Variants in MS4A15 observed in about 807,000 individuals in gnomAD.
MS4A15 encodes the protein membrane-spanning 4-domains subfamily A member 15.
A neutral mutation model predicts 20.6 loss-of-function variants in MS4A15; 22 were observed. The observed-to-expected ratio is 1.07, with a 90% CI of 0.76 to 1.52. The LOEUF is 1.52. Among genes scored for constraint, MS4A15 ranks in the 40% most tolerant of loss-of-function variants. MS4A15 has a pLI of 0.00. For synonymous variants in MS4A15, 129 were observed against 129.3 expected (o/e 1.00, Z 0.02); for missense variants, 312 against 323.0 (o/e 0.97, Z 0.26).
Position 60,763,705 on chromosome 11 carries a change from GC to G in MS4A15, c.-27del. The G allele has an allele frequency of 1.2e-6, 2 of 1,609,334 alleles. No individual in the cohort carries two copies. The highest frequency in any genetic ancestry group is 1.7e-6 in the Non-Finnish European group (2 of 1,177,524). ...CATCATTGCCATTATTATCTCCCAA[GC>G]CTTTGTTTCCCAGGCTCTCTGAGCA... On this transcript the variant is annotated splice_region_variant and 5_prime_UTR_variant, in exon 2 of 7. Transcript: ENST00000405633.
At position 60,767,563 on chromosome 11, in the gene MS4A15, C is replaced by A; in HGVS notation, c.256C>A (p.Leu86Ile). ...TVQILIGLIH[L>I]GFGSVLLMVR... ...GCAGATCCTCATCGGCCTCATCCACCTAGGCTTTGGCAGCGTGCTGCTCAT... is the reference window on the plus strand; with the variant it reads ...GCAGATCCTCATCGGCCTCATCCACATAGGCTTTGGCAGCGTGCTGCTCAT... Residue 86 changes from leucine to isoleucine, a missense_variant, in exon 3 of 7, where the codon CTA becomes ATA. Transcript: ENST00000405633. The A allele has an allele frequency of 6.4e-7, 1 of 1,551,976 alleles. No homozygotes were observed. Among genetic ancestry groups the A allele is most frequent in the East Asian group, 2.4e-5 (1 of 41,446 alleles).
At chr11:60,759,564 A>T (rs1249928406) in intron 1 of MS4A15, among the ~76,000 whole-genome samples, 2 of 151,918 alleles carry the variant, frequency 1.3e-5, no homozygotes, top group Non-Finnish European at 2.9e-5. Context: ...GTAAAAGAGG[A>T]AGGCCTCTTT....
chr11:60,771,829 G>A, intron 4 of MS4A15: 1 of 1,166,718 alleles, frequency 8.6e-7, no homozygotes, highest in Non-Finnish European at 1.1e-6. Context: ...ATTGTGGAGG[G>A]CTTGGTGCCT....
chr11:60,775,633 G>A lies in MS4A15; in HGVS notation c.641G>A (p.Ser214Asn), dbSNP rs779694586. 1.9e-6 allele frequency: 3 copies of A among 1,613,966 alleles called. No individual in the cohort carries two copies. Among genetic ancestry groups the A allele is most frequent in the Non-Finnish European group, 2.5e-6 (3 of 1,179,932 alleles). Residue 214 changes from serine (S) to asparagine (N), a missense_variant, in exon 7 of 7, where the codon AGC becomes AAC. By Grantham distance (46) the Ser-to-Asn change is conservative (BLOSUM62 1). Coordinates refer to ENST00000405633, the MANE Select transcript of MS4A15 (RefSeq NM_001098835.2). ...GTGATCTTCCTGCCAAACGCCTTCA[G>A]CGCAGACTTCAACATCCCCAGCCCG... ...APVIFLPNAF[S>N]ADFNIPSPAA... is the part of the protein sequence containing the mutation.
chr11:60,771,181 G>T, intron 3 of MS4A15, 110 bp from the exon 4 acceptor site: 2 of 1,240,608 alleles, frequency 1.6e-6, no homozygotes, highest in South Asian at 1.3e-5. Flanking sequence ...AGAGAAAGTG[G>T]CATCAGGAGG....
chr11:60,775,748 G>T lies in MS4A15; in HGVS notation c.*33G>T. ...ATGTGGCACCTGCGGGTGGAGTCCA[G>T]CCTTTTCCCTCTGGGCCCAGCCTCT... On this transcript the variant is annotated 3_prime_UTR_variant, in exon 7 of 7. Transcript: ENST00000405633. 6.4e-7 allele frequency: 1 copy of T among 1,570,640 alleles called. No homozygotes were observed.
Position 60,763,915 on chromosome 11 carries a change from G to A in MS4A15, c.182G>A (p.Arg61Gln), listed in dbSNP as rs374458640. 1.4e-5 allele frequency: 22 copies of A among 1,612,960 alleles called. No homozygotes were observed. The highest frequency in any genetic ancestry group is 5.5e-5 in the South Asian group (5 of 91,038). ...AGGGCCACACAGCCACCTGACTTGC[G>A]GCCCGTGGAGACATTCCTGACAGGA... The part of the protein sequence containing the change: ...TPRATQPPDL[R>Q]PVETFLTGEP... Residue 61 changes from arginine to glutamine, a missense_variant, in exon 2 of 7, where the codon CGG (arginine) becomes CAG (glutamine). By Grantham distance (43) the Arg-to-Gln change is conservative. Transcript: ENST00000405633.
chr11:60,763,910 C>A lies in MS4A15; in HGVS notation c.177C>A (p.Asp59Glu). ...CACCAAGGGCCACACAGCCACCTGA[C>A]TTGCGGCCCGTGGAGACATTCCTGA... is the stretch of plus-strand genomic sequence containing the variant. The part of the protein sequence containing the change: ...AQTPRATQPP[D>E]LRPVETFLTG... The change falls in exon 2 of 7, where the codon GAC (aspartate) becomes GAA (glutamate). Residue 59 changes from aspartate to glutamate, a missense_variant. Asp to Glu is a conservative substitution (Grantham distance 45, BLOSUM62 2). Coordinates refer to ENST00000405633, the MANE Select transcript of MS4A15 (RefSeq NM_001098835.2). 1.9e-6 allele frequency: 3 copies of A among 1,613,146 alleles called. No homozygotes were observed. The highest frequency in any genetic ancestry group is 2.5e-6 in the Non-Finnish European group (3 of 1,179,904).
At chr11:60,773,364 T>G in intron 4 of MS4A15, 28 bp from the exon 5 acceptor site, 1 of 1,586,428 alleles carries the variant, frequency 6.3e-7, no homozygotes, top group Non-Finnish European at 8.6e-7. Flanking sequence ...GCCTATTCCC[T>G]CTGCTCCTGT....
At chr11:60,764,833 C>G (rs938441796) in intron 2 of MS4A15, among the ~76,000 whole-genome samples, 1 of 151,980 alleles carries the variant, frequency 6.6e-6, no homozygotes, top group Non-Finnish European at 1.5e-5. Context: ...TGCTTGAACC[C>G]GGGAGGTGGA....
At chr11:60,769,434 C>G (rs1322816893) in intron 3 of MS4A15, among the ~76,000 whole-genome samples, 1 of 152,036 alleles carries the variant, frequency 6.6e-6, no homozygotes, top group Non-Finnish European at 1.5e-5. Flanking sequence ...GGCAGTCAGC[C>G]GGCATGCGGG....
chr11:60,760,464 A>G (rs1467413852), intron 1 of MS4A15, among the ~76,000 whole-genome samples: 1 of 151,230 alleles, frequency 6.6e-6, no homozygotes, highest in African/African-American at 2.4e-5. Context: ...TGGACGTTTT[A>G]AATCTCTCCA....
intron 4 of MS4A15, chr11:60,771,899 G>T: frequency 1.8e-6 from 1 of 563,776 alleles, no homozygotes; most frequent in Non-Finnish European, 2.6e-6. Flanking sequence ...TTTATGTCAG[G>T]CTCAGAGAAC....
At chr11:60,767,832 A>C (rs1265369300) in intron 3 of MS4A15, among the ~76,000 whole-genome samples, 177 bp downstream of exon 3, 3 of 152,134 alleles carry the variant, frequency 2.0e-5, no homozygotes, top group Admixed American at 1.3e-4. Flanking sequence ...CGCTCACCAT[A>C]AACTTGAGCC....
At chr11:60,770,732 G>A (rs1854013204) in intron 3 of MS4A15, among the ~76,000 whole-genome samples, 1 of 151,526 alleles carries the variant, frequency 6.6e-6, no homozygotes, top group Non-Finnish European at 1.5e-5. Flanking sequence ...TTGAGACAGA[G>A]TCTCACTCTG....
intron 1 of MS4A15, among the ~76,000 whole-genome samples, chr11:60,758,165 C>G (rs114015256): frequency 6.6e-6 from 1 of 152,132 alleles, no homozygotes; most frequent in Non-Finnish European, 1.5e-5. Flanking sequence ...ACTTGATATG[C>G]TATTGGGAAC....
chr11:60,758,536 C>G (rs1853647284), intron 1 of MS4A15, among the ~76,000 whole-genome samples: 1 of 152,210 alleles, frequency 6.6e-6, no homozygotes, highest in Non-Finnish European at 1.5e-5. Flanking sequence ...TCATCTGACT[C>G]AAACTTTTGC....
At chr11:60,757,683 C>T (rs998725612) in intron 1 of MS4A15, among the ~76,000 whole-genome samples, 31 of 152,172 alleles carry the variant, frequency 2.0e-4, no homozygotes, top group Non-Finnish European at 2.9e-4. Context: ...CAGGCAATGG[C>T]GCCTCCCATC....
At chr11:60,763,673 T>C in intron 1 of MS4A15, 33 bp from the exon 2 acceptor site, 1 of 1,568,784 alleles carries the variant, frequency 6.4e-7, no homozygotes, top group South Asian at 1.1e-5. Context: ...TGCACATGGG[T>C]GACAATCATC....
Sources: gnomAD v4.1 joint callset for allele counts (sites outside exome capture counted in the v4.1 genomes callset) on GRCh38, gnomAD v4.1.1 for gene constraint, MANE v1.5 for transcripts, NCBI Gene and HGNC (gene_info 2026-07-23, HGNC 2026-07-21) for gene names.